METAP1D: variants seen among roughly 807,000 people sequenced by gnomAD.
METAP1D encodes methionyl aminopeptidase type 1D, mitochondrial.
Under a neutral mutation model 40.5 loss-of-function variants are expected in METAP1D, and 31 were observed. The observed-to-expected ratio is 0.77, with a 90% CI of 0.58 to 1.03. The LOEUF (loss-of-function observed/expected upper bound fraction) is 1.03. Ranked by LOEUF, METAP1D falls within the 50% of genes least tolerant of loss-of-function variation. METAP1D has a pLI of 0.00. For missense variants in METAP1D, 411 were observed against 420.7 expected (o/e 0.98, Z 0.20); for synonymous variants, 151 against 146.4 (o/e 1.03, Z -0.22).
chr2:172,065,830 C>A, intron 4 of METAP1D, 78 bp downstream of exon 4: 2 of 1,413,956 alleles, frequency 1.4e-6, no homozygotes, highest in Non-Finnish European at 1.9e-6. Flanking sequence ...TGTTGAAAGA[C>A]ACTATCATTC....
intron 1 of METAP1D, among the ~76,000 whole-genome samples, chr2:172,055,332 T>G (rs1689980118): frequency 6.6e-6 from 1 of 152,240 alleles, no homozygotes; most frequent in South Asian, 2.1e-4. Context: ...GCAGTGCTTT[T>G]GTCAAGAAAT....
intron 1 of METAP1D, among the ~76,000 whole-genome samples, chr2:172,027,029 G>A (rs1043519899): frequency 6.6e-6 from 1 of 152,108 alleles, no homozygotes; most frequent in Non-Finnish European, 1.5e-5. Context: ...AGAAGAAGAG[G>A]GCCTGGAAGA....
At chr2:172,030,098 A>ATT (rs963179627) in intron 1 of METAP1D, among the ~76,000 whole-genome samples, 7 of 144,742 alleles carry the variant, frequency 4.8e-5, no homozygotes, top group South Asian at 2.1e-4. Flanking sequence ...TTATTTATTT[A>ATT]TTTTTTTTGA....
chr2:172,052,230 C>T lies in METAP1D; in HGVS notation c.41-9268C>T, dbSNP rs1689900181. ...ATCATCCAGAGGCTGTTGCCAAATG[C>T]TGTTAATTAGGCCAAAAAAATGTTT... On this transcript the variant is annotated intron_variant, in intron 1 of 9. Transcript: ENST00000315796. 3.9e-5 allele frequency among the ~76,000 whole-genome samples: 6 copies of T among 152,174 alleles called. No homozygotes were observed. In the South Asian group the frequency reaches 1.2e-3, roughly 31 times the overall value.
chr2:172,007,481 GT>G (rs1425210183), intron 1 of METAP1D, among the ~76,000 whole-genome samples: 1 of 152,136 alleles, frequency 6.6e-6, no homozygotes, highest in Non-Finnish European at 1.5e-5. Context: ...TTTATTCTCT[GT>G]TAGGATGGAT....
At chr2:172,035,332 CTT>C (rs1168235382) in intron 1 of METAP1D, among the ~76,000 whole-genome samples, 1 of 151,898 alleles carries the variant, frequency 6.6e-6, no homozygotes, top group African/African-American at 2.4e-5. Context: ...GCCCGGCTAA[CTT>C]TTTGTATTTT....
chr2:172,057,684 A>G (rs1690032289), intron 1 of METAP1D, among the ~76,000 whole-genome samples: 4 of 152,192 alleles, frequency 2.6e-5, no homozygotes, highest in Admixed American at 2.0e-4. Flanking sequence ...GAGAAGTAAT[A>G]CATTTTGTAG....
chr2:172,057,487 C>G (rs1187280272), intron 1 of METAP1D, among the ~76,000 whole-genome samples: 2 of 152,154 alleles, frequency 1.3e-5, no homozygotes, highest in South Asian at 2.1e-4. Context: ...ATAGTTCTGG[C>G]AGCCACCTCC....
chr2:172,022,467 C>T (rs764445218), intron 1 of METAP1D, among the ~76,000 whole-genome samples: 5 of 151,888 alleles, frequency 3.3e-5, no homozygotes, highest in Non-Finnish European at 7.4e-5. Context: ...GTGATTGCTG[C>T]GTACAAAAAG....
Position 172,041,444 on chromosome 2 carries a change from G to A in METAP1D, c.41-20054G>A, listed in dbSNP as rs552213662. 2.4e-3 allele frequency among the ~76,000 whole-genome samples: 222 copies of A among 92,000 alleles called. 39 individuals carry two copies. The highest frequency in any genetic ancestry group is 2.1e-3 in the Non-Finnish European group (86 of 40,254). The allele number at this position is 92,000 out of a possible 152,430, so 60.4% of individuals were successfully genotyped here. On this transcript the variant is annotated intron_variant, in intron 1 of 9. Coordinates refer to ENST00000315796, the MANE Select transcript of METAP1D (RefSeq NM_199227.3). ...ACTGCACTCCAGCCTGGGTGACAGC[G>A]CAAGACTCTGTATCAAAAAAAAAAA...
At chr2:172,045,014 AAAAT>A (rs1689705054) in intron 1 of METAP1D, among the ~76,000 whole-genome samples, 1 of 135,342 alleles carries the variant, frequency 7.4e-6, no homozygotes, top group African/African-American at 2.5e-5. Context: ...TATCTGAAGA[AAAAT>A]AAGTAAAAGT....
chr2:172,073,515 A>C (rs995003339), intron 6 of METAP1D, among the ~76,000 whole-genome samples: 7 of 152,220 alleles, frequency 4.6e-5, no homozygotes, highest in African/African-American at 1.4e-4. Flanking sequence ...CAGATCAGTC[A>C]GTCCCAACAA....
chr2:172,027,654 G>C (rs1689147798), intron 1 of METAP1D, among the ~76,000 whole-genome samples: 1 of 152,258 alleles, frequency 6.6e-6, no homozygotes, highest in Non-Finnish European at 1.5e-5. Context: ...GTACACGTGT[G>C]TATGTCATAT....
intron 7 of METAP1D, 38 bp downstream of exon 7, chr2:172,077,932 G>A: frequency 8.7e-7 from 1 of 1,153,340 alleles, no homozygotes; most frequent in Non-Finnish European, 1.3e-6. Flanking sequence ...CTTGATCAGA[G>A]ATCAAGATGT....
In METAP1D at chr2:172,047,306, A is replaced by G. The variant is rs999924008; in HGVS notation, c.41-14192A>G. Among the ~76,000 whole-genome samples the G allele has an allele frequency of 4.6e-5, 7 of 152,248 alleles. No homozygotes were observed. In the East Asian group the frequency reaches 7.7e-4, roughly 17 times the overall value. ...TGTTGAGCTCTGAAATATTTCTGCTAAACAGATTGTGCACCAAGACAAATA... is the reference window on the plus strand; with the variant it reads ...TGTTGAGCTCTGAAATATTTCTGCTGAACAGATTGTGCACCAAGACAAATA... On this transcript the variant is annotated intron_variant, in intron 1 of 9. Coordinates refer to ENST00000315796, the MANE Select transcript of METAP1D (RefSeq NM_199227.3).
intron 1 of METAP1D, among the ~76,000 whole-genome samples, chr2:172,040,548 T>C (rs531839602): frequency 2.0e-5 from 3 of 152,242 alleles, no homozygotes; most frequent in South Asian, 2.1e-4. Context: ...TTTTAAGACA[T>C]ACTGCTACTC....
rs1689599292 is a variant in METAP1D at position 172,042,600 on chromosome 2, CACAT to C, written c.41-18896_41-18893del. 6.2e-4 allele frequency among the ~76,000 whole-genome samples: 12 copies of C among 19,410 alleles called. 6 individuals are homozygous for C. Among genetic ancestry groups the C allele is most frequent in the Non-Finnish European group, 1.0e-3 (12 of 11,570 alleles). 12.7% of individuals were successfully genotyped at this position (19,410 alleles called of 152,430 possible). A position where few individuals can be genotyped will look rare whatever the true frequency, so the allele number is the denominator to read the frequency against. ...ATATATGTGTGTATGTGTACATGTG[CACAT>C]ATATACATATATGTGTGTATGTGTA... On this transcript the variant is annotated intron_variant, in intron 1 of 9. Transcript: ENST00000315796.
intron 1 of METAP1D, among the ~76,000 whole-genome samples, chr2:172,059,974 C>T (rs1284876023): frequency 6.6e-6 from 1 of 152,084 alleles, no homozygotes; most frequent in Non-Finnish European, 1.5e-5. Flanking sequence ...TTGCTTGGAC[C>T]TGGGAGGCGG....
At position 172,043,012 on chromosome 2, in the gene METAP1D, T is replaced by TGTACACATATATGTGTATATGTGTACAC. The variant is rs1689645732; in HGVS notation, c.41-18484_41-18483insACACATATATGTGTATATGTGTACACGT. 4.0e-4 allele frequency among the ~76,000 whole-genome samples: 36 copies of TGTACACATATATGTGTATATGTGTACAC among 89,744 alleles called. 5 individuals are homozygous for TGTACACATATATGTGTATATGTGTACAC. Among genetic ancestry groups the TGTACACATATATGTGTATATGTGTACAC allele is most frequent in the African/African-American group, 9.1e-4 (29 of 31,774 alleles). 58.9% of individuals were successfully genotyped at this position (89,744 alleles called of 152,430 possible). A position where few individuals can be genotyped will look rare whatever the true frequency, so the allele number is the denominator to read the frequency against. Reference sequence around the variant, plus strand: ...GTGCGTGTGTACACATATATGTGTATGTGTACACATATATGTGTATATGTG... The same window carrying TGTACACATATATGTGTATATGTGTACAC: ...GTGCGTGTGTACACATATATGTGTATGTACACATATATGTGTATATGTGTACACGTGTACACATATATGTGTATATGTG... On this transcript the variant is annotated intron_variant, in intron 1 of 9. Coordinates refer to ENST00000315796, the MANE Select transcript of METAP1D (RefSeq NM_199227.3).
Sources: allele counts gnomAD v4.1 joint callset (sites outside exome capture counted in the v4.1 genomes callset), GRCh38; gene constraint gnomAD v4.1.1; transcripts MANE v1.5; gene names NCBI Gene and HGNC (gene_info 2026-07-23, HGNC 2026-07-21).